The following GATAD2A variants were observed in gnomAD, a reference collection of about 807,000 sequenced individuals.
The protein encoded by GATAD2A is transcriptional repressor p66-alpha.
Under a neutral mutation model 68.5 loss-of-function variants are expected in GATAD2A, and 12 were observed. That is an observed-to-expected ratio of 0.18 (90% CI 0.11 to 0.28). GATAD2A has a LOEUF of 0.28. Ranked by LOEUF, GATAD2A falls within the 10% of genes least tolerant of loss-of-function variation. The probability of loss-of-function intolerance (pLI) is 1.00; values close to 1 mark genes in which losing one functional copy is unlikely to be tolerated. For missense variants in GATAD2A, 755 were observed against 868.5 expected (o/e 0.87, Z 1.64); for synonymous variants, 410 against 375.3 (o/e 1.09, Z -1.07).
At chr19:19,428,571 A>G (rs902173607) in intron 1 of GATAD2A, among the ~76,000 whole-genome samples, 1 of 152,122 alleles carries the variant, frequency 6.6e-6, no homozygotes, top group Non-Finnish European at 1.5e-5. Flanking sequence ...GCTGGGCAGA[A>G]TGTGCTAGGA....
Position 19,501,380 on chromosome 19 carries a change from C to T in GATAD2A, c.1467C>T (p.Ala489=), listed in dbSNP as rs774911649. The T allele has an allele frequency of 6.2e-6, 10 of 1,607,492 alleles. No individual in the cohort carries two copies. In the East Asian group the frequency reaches 6.8e-5, roughly 11 times the overall value. The change falls in exon 9 of 12, where the codon GCC becomes GCT. Residue 489 remains alanine (A), a synonymous_variant. Coordinates refer to ENST00000683918, the MANE Select transcript of GATAD2A (RefSeq NM_001384528.1). The part of the protein sequence containing the change: ...QQGTAPAQAK[A]EPTAAPHPVL... Reference sequence around the variant, plus strand: ...GCACGGCCCCTGCACAGGCCAAGGCCGAGCCCACCGCTGCCCCACACCCCG... The same window carrying T: ...GCACGGCCCCTGCACAGGCCAAGGCTGAGCCCACCGCTGCCCCACACCCCG...
rs1407632490 is a variant in GATAD2A at position 19,414,982 on chromosome 19, G to A, written c.-7+8963G>A. Among the ~76,000 whole-genome samples the A allele has an allele frequency of 2.6e-5, 4 of 151,030 alleles. No homozygotes were observed. The East Asian group carries it at 7.8e-4, about 29-fold the overall frequency. ...TAAAAAAAAACTATAGTGGCCAAGT[G>A]TAGTGGCTCAGGTAACCTTAGCTCT... On this transcript the variant is annotated intron_variant, in intron 1 of 11. Coordinates refer to ENST00000683918, the MANE Select transcript of GATAD2A (RefSeq NM_001384528.1).
intron 1 of GATAD2A, among the ~76,000 whole-genome samples, chr19:19,390,723 A>T (rs1285516157): frequency 6.6e-6 from 1 of 152,202 alleles, no homozygotes; most frequent in Non-Finnish European, 1.5e-5. Context: ...TGAACTATGT[A>T]CGCCTAAGGG....
At chr19:19,452,948 A>G (rs987717870) in intron 1 of GATAD2A, among the ~76,000 whole-genome samples, 1 of 152,082 alleles carries the variant, frequency 6.6e-6, no homozygotes, top group African/African-American at 2.4e-5. Flanking sequence ...CCCTGGCACA[A>G]ACGACCTCGC....
At chr19:19,452,092 C>T (rs1447739304) in intron 1 of GATAD2A, among the ~76,000 whole-genome samples, 2 of 152,218 alleles carry the variant, frequency 1.3e-5, no homozygotes, top group East Asian at 3.9e-4. Flanking sequence ...TGAGTATATA[C>T]GTGTGTGTTG....
At chr19:19,410,263 T>G (rs1568707595) in intron 1 of GATAD2A, among the ~76,000 whole-genome samples, 1 of 151,792 alleles carries the variant, frequency 6.6e-6, no homozygotes, top group Non-Finnish European at 1.5e-5. Flanking sequence ...TGAGATAGGA[T>G]TTGCTGGCAG....
At chr19:19,437,779 T>C (rs1428055786) in intron 1 of GATAD2A, among the ~76,000 whole-genome samples, 2 of 152,262 alleles carry the variant, frequency 1.3e-5, no homozygotes, top group Non-Finnish European at 2.9e-5. Context: ...CTGAATGATA[T>C]TCCATTATAT....
chr19:19,450,806 T>C (rs1287764196), intron 1 of GATAD2A, among the ~76,000 whole-genome samples: 1 of 151,718 alleles, frequency 6.6e-6, no homozygotes, highest in Non-Finnish European at 1.5e-5. Flanking sequence ...GTTTTGCTCT[T>C]GTCTCCCAGG....
In GATAD2A at chr19:19,498,625, A is replaced by G; in HGVS notation, c.1107A>G (p.Pro369=). Reference sequence around the variant, plus strand: ...TCGAGATCCCCCCACCCAAGCCCCCAGCCCCAGAGATGAACTTCCTGCCCA... The same window carrying G: ...TCGAGATCCCCCCACCCAAGCCCCCGGCCCCAGAGATGAACTTCCTGCCCA... ...TLLEIPPPKP[P]APEMNFLPSA... Residue 369 remains proline (P), a synonymous_variant, in exon 8 of 12, where the codon CCA becomes CCG. Transcript: ENST00000683918. 1 of 1,613,200 alleles carries G rather than the reference A, an allele frequency of 6.2e-7. No individual in the cohort carries two copies. The highest frequency in any genetic ancestry group is 8.5e-7 in the Non-Finnish European group (1 of 1,179,404).
At chr19:19,495,707 TG>T (rs564820742) in intron 5 of GATAD2A, 46 bp from the exon 6 acceptor site, 24 of 1,527,210 alleles carry the variant, frequency 1.6e-5, no homozygotes, top group African/African-American at 1.4e-5. Flanking sequence ...AAAAAAAGTG[TG>T]GGGGGGTCCG....
At chr19:19,499,135 C>T (rs1162697271) in intron 8 of GATAD2A, among the ~76,000 whole-genome samples, 1 of 152,224 alleles carries the variant, frequency 6.6e-6, no homozygotes, top group African/African-American at 2.4e-5. Context: ...GGACAGCCCA[C>T]CCCACTGCCC....
chr19:19,475,522 G>GTA (rs2058621789), intron 2 of GATAD2A, among the ~76,000 whole-genome samples: 2 of 149,266 alleles, frequency 1.3e-5, no homozygotes, highest in South Asian at 4.3e-4. Context: ...CCCAGCACCT[G>GTA]TTGAGGGCTG....
chr19:19,470,223 C>T (rs1030838724), intron 2 of GATAD2A, among the ~76,000 whole-genome samples: 1 of 150,466 alleles, frequency 6.6e-6, no homozygotes, highest in South Asian at 2.1e-4. Context: ...CGATCTCCAC[C>T]TCGTGGGTTT....
intron 1 of GATAD2A, among the ~76,000 whole-genome samples, chr19:19,442,083 A>ACTCCAACCTCAGGTGATC (rs1349756222): frequency 1.4e-5 from 2 of 147,554 alleles, no homozygotes; most frequent in African/African-American, 5.0e-5. Context: ...CTGGTCTCAA[A>ACTCCAACCTCAGGTGATC]CTCCAACCTC....
chr19:19,492,634 G>A lies in GATAD2A; in HGVS notation c.456G>A (p.Leu152=). The A allele has an allele frequency of 6.2e-7, 1 of 1,614,172 alleles. No individual in the cohort carries two copies. The highest frequency in any genetic ancestry group is 8.5e-7 in the Non-Finnish European group (1 of 1,179,984). Residue 152 remains leucine, a synonymous_variant, in exon 4 of 12, where the codon TTG becomes TTA. Transcript: ENST00000683918. The stretch of plus-strand genomic sequence containing the variant: ...TGATCAAGCAGCTGAAGGAAGAATT[G>A]AGGTTAGAAGAAGCAAAACTCGTGT... The part of the protein sequence containing the change: ...ERMIKQLKEE[L]RLEEAKLVLL...
chr19:19,462,121 C>T (rs1568307558), intron 1 of GATAD2A, among the ~76,000 whole-genome samples: 1 of 152,256 alleles, frequency 6.6e-6, no homozygotes, highest in South Asian at 2.1e-4. Context: ...GTACCCCCCA[C>T]TGCTCTTTGC....
upstream of GATAD2A, among the ~76,000 whole-genome samples, chr19:19,403,661 C>T (rs908284773): frequency 1.3e-5 from 2 of 152,192 alleles, no homozygotes; most frequent in Admixed American, 6.5e-5. Flanking sequence ...AGGTCTCCCA[C>T]CTGACCACAC....
chr19:19,420,976 T>C (rs2052349779), intron 1 of GATAD2A, among the ~76,000 whole-genome samples: 2 of 152,370 alleles, frequency 1.3e-5, no homozygotes, highest in South Asian at 4.1e-4. Flanking sequence ...GATGATTCTC[T>C]TGGTGTCCCC....
chr19:19,430,976 G>GGTGTGT (rs71170687), intron 1 of GATAD2A, among the ~76,000 whole-genome samples: 5,189 of 136,648 alleles, frequency 0.038, 110 homozygotes, highest in Middle Eastern at 0.07. Context: ...GTATGGTAGG[G>GGTGTGT]GTGTGTGTGT....
Sources: allele counts gnomAD v4.1 joint callset (sites outside exome capture counted in the v4.1 genomes callset), GRCh38; gene constraint gnomAD v4.1.1; transcripts MANE v1.5; gene names NCBI Gene and HGNC (gene_info 2026-07-23, HGNC 2026-07-21).